IFITM10: variants seen among roughly 807,000 people sequenced by gnomAD.
IFITM10 encodes the protein interferon induced transmembrane protein 10, also known as interferon-induced transmembrane protein 10.
In IFITM10, 17 loss-of-function variants were observed where a neutral mutation model predicts 19.0. The ratio of observed to expected loss-of-function variants is 0.90; its 90% CI spans 0.61 to 1.34. The LOEUF (loss-of-function observed/expected upper bound fraction) is 1.34, where lower values mean the gene tolerates loss of function less well. Ranked by LOEUF, IFITM10 falls within the 40% of genes most tolerant of loss-of-function variation. The probability of loss-of-function intolerance (pLI) is 0.00; values close to 1 mark genes in which losing one functional copy is unlikely to be tolerated. For missense variants in IFITM10, 306 were observed against 319.8 expected (o/e 0.96, Z 0.33); for synonymous variants, 148 against 147.2 (o/e 1.01, Z -0.04).
chr11:1,750,320 C>T (rs1251380861), intron 1 of IFITM10, 39 bp downstream of exon 1: 2 of 1,550,524 alleles, frequency 1.3e-6, no homozygotes, highest in Non-Finnish European at 1.7e-6. Flanking sequence ...TCCCCCACTT[C>T]ACCACGCAGG....
intron 2 of IFITM10, among the ~76,000 whole-genome samples, chr11:1,740,378 T>A (rs1326450045): frequency 1.1e-5 from 1 of 90,340 alleles, no homozygotes; most frequent in Non-Finnish European, 2.2e-5. Context: ...CAGGGGAGGG[T>A]GAGGGTGGCT....
chr11:1,735,165 C>T lies in IFITM10; in HGVS notation c.*115G>A. On this transcript the variant is annotated 3_prime_UTR_variant, in exon 3 of 3. Transcript: ENST00000340134. ...CTGCCCAGTTCACAGCTCAAGGGGG[C>T]CCCAGGACAAGAAGCCCTGCCCTGC... 1 of 1,181,368 alleles carries T rather than the reference C, an allele frequency of 8.5e-7. No homozygotes were observed. Among genetic ancestry groups the T allele is most frequent in the Non-Finnish European group, 1.2e-6 (1 of 848,032 alleles). 73.2% of individuals were successfully genotyped at this position (1,181,368 alleles called of 1,614,324 possible).
At chr11:1,747,459 C>T (rs1296158328) in intron 2 of IFITM10, among the ~76,000 whole-genome samples, 2 of 152,152 alleles carry the variant, frequency 1.3e-5, no homozygotes, top group Non-Finnish European at 1.5e-5. Flanking sequence ...AGACCCCTGC[C>T]CGCCCAGACC....
At chr11:1,747,602 AG>A in intron 2 of IFITM10, 64 bp downstream of exon 2, 1 of 1,426,756 alleles carries the variant, frequency 7.0e-7, no homozygotes, top group Non-Finnish European at 9.6e-7. Flanking sequence ...GCCCACAGCC[AG>A]GGACTGTCCT....
At position 1,747,719 on chromosome 11, in the gene IFITM10, A is replaced by G; in HGVS notation, c.485T>C (p.Val162Ala). Residue 162 changes from valine (V) to alanine (A), a missense_variant, in exon 2 of 3, where the codon GTC (valine) becomes GCC (alanine). Coordinates refer to ENST00000340134, the MANE Select transcript of IFITM10 (RefSeq NM_001170820.4). The part of the protein sequence containing the change: ...DYYLWSIFNF[V>A]YLNFCCLGFI... ...GCCCAGGCAGCAGAAGTTGAGGTAG[A>G]CGAAGTTGAAGATGGACCACAGGTA... is the stretch of plus-strand genomic sequence containing the variant. The G allele has an allele frequency of 1.9e-6, 3 of 1,551,806 alleles. No homozygotes were observed. The highest frequency in any genetic ancestry group is 2.4e-5 in the East Asian group (1 of 40,926).
intron 2 of IFITM10, 66 bp from the exon 3 acceptor site, chr11:1,735,495 A>G (rs1448065447): frequency 3.5e-6 from 5 of 1,434,274 alleles, no homozygotes; most frequent in Non-Finnish European, 4.7e-6. Context: ...AGCATCCAGG[A>G]GCCCAGCAGA....
At position 1,735,191 on chromosome 11, in the gene IFITM10, C is replaced by G; in HGVS notation, c.*89G>C. ...CCCAGGACAAGAAGCCCTGCCCTGC[C>G]CCAACCTCATGGGATCCTGCGTTTC... On this transcript the variant is annotated 3_prime_UTR_variant, in exon 3 of 3. Coordinates refer to ENST00000340134, the MANE Select transcript of IFITM10 (RefSeq NM_001170820.4). 9 of 1,438,562 alleles carry G rather than the reference C, an allele frequency of 6.3e-6. No homozygotes were observed. In the South Asian group the frequency reaches 1.2e-4, roughly 19 times the overall value. The allele number at this position is 1,438,562 out of a possible 1,614,324, so 89.1% of individuals were successfully genotyped here.
intron 2 of IFITM10, among the ~76,000 whole-genome samples, chr11:1,737,614 A>G (rs1326425058): frequency 6.6e-6 from 1 of 152,184 alleles, no homozygotes; most frequent in African/African-American, 2.4e-5. Context: ...TGCCTGGGCC[A>G]AAGTAAGCTC....
At chr11:1,737,485 T>C (rs1851099499) in intron 2 of IFITM10, among the ~76,000 whole-genome samples, 1 of 152,226 alleles carries the variant, frequency 6.6e-6, no homozygotes, top group Non-Finnish European at 1.5e-5. Context: ...TTAGGCCAGC[T>C]AACAACTTAC....
At chr11:1,743,104 GATAGATGGATGGAGGATGA>G (rs1845590545) in intron 2 of IFITM10, among the ~76,000 whole-genome samples, 1 of 150,930 alleles carries the variant, frequency 6.6e-6, no homozygotes, top group African/African-American at 2.4e-5. Flanking sequence ...AGGATGGATG[GATAGATGGATGGAGGATGA>G]ATAGATGGAT....
intron 2 of IFITM10, 103 bp downstream of exon 2, chr11:1,747,564 G>T: frequency 1.0e-6 from 1 of 993,742 alleles, no homozygotes; most frequent in Non-Finnish European, 1.5e-6. Flanking sequence ...CTACCCGTGT[G>T]CTCCCCTGAG....
Position 1,735,135 on chromosome 11 carries a change from C to G in IFITM10, c.*145G>C. ...CCTTGCTGTACTCAGCTTCTGATGG[C>G]CTTGCTGCCCAGTTCACAGCTCAAG... On this transcript the variant is annotated 3_prime_UTR_variant, in exon 3 of 3. Transcript: ENST00000340134. 2.5e-6 allele frequency: 2 copies of G among 788,346 alleles called. No individual in the cohort carries two copies. Among genetic ancestry groups the G allele is most frequent in the Non-Finnish European group, 4.0e-6 (2 of 505,522 alleles). The allele number at this position is 788,346 out of a possible 1,614,324, so 48.8% of individuals were successfully genotyped here. A position where few individuals can be genotyped will look rare whatever the true frequency, so the allele number is the denominator to read the frequency against.
chr11:1,736,649 A>G (rs1305412660), intron 2 of IFITM10, among the ~76,000 whole-genome samples: 2 of 145,240 alleles, frequency 1.4e-5, no homozygotes, highest in African/African-American at 2.6e-5. Context: ...GGATGGAGTG[A>G]AGTGGGTGGA....
At chr11:1,737,016 G>A (rs1223163078) in intron 2 of IFITM10, among the ~76,000 whole-genome samples, 9 of 152,168 alleles carry the variant, frequency 5.9e-5, no homozygotes, top group Admixed American at 5.9e-4. Flanking sequence ...AAGGAGGCAG[G>A]AAGAAAGTCT....
At chr11:1,743,076 T>G (rs1845590024) in intron 2 of IFITM10, among the ~76,000 whole-genome samples, 1 of 140,612 alleles carries the variant, frequency 7.1e-6, no homozygotes, top group Admixed American at 7.0e-5. Flanking sequence ...GATGGATGGA[T>G]GGATGGAGGA....
At chr11:1,745,639 T>C (rs1390700010) in intron 2 of IFITM10, 1 of 152,244 alleles carries the variant, frequency 6.6e-6, no homozygotes, top group Non-Finnish European at 1.5e-5. Context: ...CACACACTTG[T>C]GCACACACAT....
chr11:1,740,362 A>G (rs886384822), intron 2 of IFITM10, among the ~76,000 whole-genome samples: 2 of 150,558 alleles, frequency 1.3e-5, no homozygotes, highest in African/African-American at 4.9e-5. Flanking sequence ...GGTGGATTGA[A>G]TGGTCCAGGG....
At chr11:1,741,758 T>C (rs1475300919) in intron 2 of IFITM10, among the ~76,000 whole-genome samples, 1 of 152,046 alleles carries the variant, frequency 6.6e-6, no homozygotes, top group Non-Finnish European at 1.5e-5. Flanking sequence ...GAAAGGGCAA[T>C]GTTATGGTTT....
rs544866494 is a variant in IFITM10, at chr11:1,747,482, C to T, written c.537+185G>A. On this transcript the variant is annotated intron_variant, in intron 2 of 2. Coordinates refer to ENST00000340134, the MANE Select transcript of IFITM10 (RefSeq NM_001170820.4). ...GCCCGCCCAGACCTAGCCAGTACCC[C>T]GACCTCTCTGGGACCCACCATCAGG... Among the ~76,000 whole-genome samples, 43 of 152,280 alleles carry T rather than the reference C, an allele frequency of 2.8e-4. 1 individual carries two copies. Among genetic ancestry groups the T allele is most frequent in the Admixed American group, 2.4e-3 (37 of 15,304 alleles).
Sources: allele counts gnomAD v4.1 joint callset (sites outside exome capture counted in the v4.1 genomes callset), GRCh38; gene constraint gnomAD v4.1.1; transcripts MANE v1.5; gene names NCBI Gene and HGNC (gene_info 2026-07-23, HGNC 2026-07-21).